Variants in NDUFA7 observed in about 807,000 individuals in gnomAD.
The protein encoded by NDUFA7 is NADH dehydrogenase [ubiquinone] 1 alpha subcomplex subunit 7.
NDUFA7 carries 18 observed loss-of-function variants against 14.2 expected under a neutral mutation model. That is an observed-to-expected ratio of 1.27 (90% CI 0.88 to 1.88). The LOEUF is 1.88. Among genes scored for constraint, NDUFA7 ranks in the 40% most tolerant of loss-of-function variants. The pLI is 0.00. For missense variants in NDUFA7, 172 were observed against 147.3 expected (o/e 1.17, Z -0.87); for synonymous variants, 75 against 62.1 (o/e 1.21, Z -0.98).
chr19:8,317,833 A>C (rs1056301900), intron 2 of NDUFA7, among the ~76,000 whole-genome samples: 3 of 152,058 alleles, frequency 2.0e-5, no homozygotes, highest in Non-Finnish European at 4.4e-5. Flanking sequence ...CTGGCTAAAA[A>C]CAATTTTTCT....
At chr19:8,314,483 T>C (rs1970211489) in intron 3 of NDUFA7, among the ~76,000 whole-genome samples, 1 of 152,094 alleles carries the variant, frequency 6.6e-6, no homozygotes, top group Non-Finnish European at 1.5e-5. Flanking sequence ...AAATGAGCTC[T>C]TGCTGAGCAT....
At chr19:8,312,334 C>G (rs1195226630) in intron 3 of NDUFA7, among the ~76,000 whole-genome samples, 1 of 152,092 alleles carries the variant, frequency 6.6e-6, no homozygotes, top group Non-Finnish European at 1.5e-5. Context: ...CCAGGAGCCT[C>G]AAGGAAATGG....
downstream of NDUFA7, among the ~76,000 whole-genome samples, chr19:8,309,886 C>G (rs1970154337): frequency 6.6e-6 from 1 of 152,188 alleles, no homozygotes; most frequent in Non-Finnish European, 1.5e-5. Context: ...TTGCAGATTT[C>G]TGTCTCCTCC....
At position 8,311,417 on chromosome 19, in the gene NDUFA7, C is replaced by T; in HGVS notation, c.*88G>A. 1 of 996,246 alleles carries T rather than the reference C, an allele frequency of 1.0e-6. No individual in the cohort carries two copies. The highest frequency in any genetic ancestry group is 1.5e-6 in the Non-Finnish European group (1 of 665,918). 61.7% of individuals were successfully genotyped at this position (996,246 alleles called of 1,614,324 possible). The stretch of plus-strand genomic sequence containing the variant: ...AGTAAAACTAGAAGTGATACCTGAG[C>T]TCTACGTATTTGTCATAAATTAGGT... On this transcript the variant is annotated 3_prime_UTR_variant, in exon 4 of 4. Coordinates refer to ENST00000301457, the MANE Select transcript of NDUFA7 (RefSeq NM_005001.5).
At chr19:8,321,168 G>A in intron 1 of NDUFA7, 140 bp downstream of exon 1, 1 of 1,123,028 alleles carries the variant, frequency 8.9e-7, no homozygotes, top group Non-Finnish European at 1.2e-6. Flanking sequence ...CGGGCTGAAG[G>A]GGTGACTAGC....
intron 3 of NDUFA7, among the ~76,000 whole-genome samples, chr19:8,315,311 C>T (rs1310187268): frequency 6.6e-6 from 1 of 151,996 alleles, no homozygotes; most frequent in Non-Finnish European, 1.5e-5. Flanking sequence ...GGAAGGAATG[C>T]CCTGTTGCAG....
intron 2 of NDUFA7, among the ~76,000 whole-genome samples, chr19:8,320,638 C>G (rs1970291356): frequency 6.6e-6 from 1 of 152,154 alleles, no homozygotes; most frequent in African/African-American, 2.4e-5. Context: ...CAAATCTAGC[C>G]TGATTGCCAG....
chr19:8,320,215 T>A (rs545762922), intron 2 of NDUFA7, among the ~76,000 whole-genome samples: 1 of 152,196 alleles, frequency 6.6e-6, no homozygotes, highest in African/African-American at 2.4e-5. Flanking sequence ...GGGACTCAAC[T>A]GTCAATTTCC....
chr19:8,315,682 G>C (rs556173820), intron 3 of NDUFA7, among the ~76,000 whole-genome samples: 4 of 152,010 alleles, frequency 2.6e-5, no homozygotes, highest in Non-Finnish European at 4.4e-5. Flanking sequence ...TGGATCCTCC[G>C]TATGCTGAGC....
At chr19:8,316,437 C>CAGAGTG in intron 3 of NDUFA7, 59 bp downstream of exon 3, 1 of 1,592,544 alleles carries the variant, frequency 6.3e-7, no homozygotes, top group Non-Finnish European at 8.6e-7. Context: ...AGTTGGGAGA[C>CAGAGTG]AGAGTGGGTT....
chr19:8,309,547 C>T (rs1363239854), downstream of NDUFA7, among the ~76,000 whole-genome samples: 1 of 152,104 alleles, frequency 6.6e-6, no homozygotes. Flanking sequence ...TAGGGTCTTG[C>T]CCTCCTTGTG....
intron 3 of NDUFA7, among the ~76,000 whole-genome samples, chr19:8,314,780 G>A (rs1408228493): frequency 6.6e-6 from 1 of 152,034 alleles, no homozygotes; most frequent in Non-Finnish European, 1.5e-5. Flanking sequence ...AGGTGTAGTG[G>A]TGGGCACTTG....
chr19:8,320,928 G>C, intron 1 of NDUFA7, 22 bp from the exon 2 acceptor site: 2 of 1,613,612 alleles, frequency 1.2e-6, no homozygotes, highest in Non-Finnish European at 1.7e-6. Flanking sequence ...GGAGAGGAGA[G>C]GTCGGCCTGC....
intron 3 of NDUFA7, 117 bp downstream of exon 3, chr19:8,316,379 C>T (rs989388608): frequency 1.8e-5 from 26 of 1,406,918 alleles, no homozygotes; most frequent in East Asian, 9.2e-5. Flanking sequence ...ACAGTTCCTG[C>T]GCAACTGATG....
At chr19:8,321,067 G>T in intron 1 of NDUFA7, 161 bp from the exon 2 acceptor site, 2 of 900,776 alleles carry the variant, frequency 2.2e-6, no homozygotes, top group Non-Finnish European at 3.4e-6. Context: ...GAAGAGCAAA[G>T]CCAGAGTCCG....
At chr19:8,315,109 C>T (rs1331918949) in intron 3 of NDUFA7, among the ~76,000 whole-genome samples, 3 of 152,182 alleles carry the variant, frequency 2.0e-5, no homozygotes, top group Non-Finnish European at 4.4e-5. Flanking sequence ...TCACCACTCC[C>T]TAATCTCAAG....
intron 2 of NDUFA7, among the ~76,000 whole-genome samples, chr19:8,318,564 G>A (rs1365030970): frequency 6.7e-6 from 1 of 149,496 alleles, no homozygotes. Context: ...TACTTGGTAC[G>A]CTGGACCAGG....
intron 3 of NDUFA7, among the ~76,000 whole-genome samples, chr19:8,315,246 C>G (rs1025417926): frequency 1.3e-5 from 2 of 152,140 alleles, no homozygotes; most frequent in African/African-American, 4.8e-5. Flanking sequence ...AAGACCTGAC[C>G]GTCCCCCAGC....
Position 8,320,921 on chromosome 19 carries a change from G to C in NDUFA7, c.52-15C>G. The C allele has an allele frequency of 1.9e-6, 3 of 1,613,752 alleles. No individual in the cohort carries two copies. The highest frequency in any genetic ancestry group is 2.5e-6 in the Non-Finnish European group (3 of 1,180,000). On this transcript the variant is annotated splice_polypyrimidine_tract_variant and intron_variant, in intron 1 of 3. Coordinates refer to ENST00000301457, the MANE Select transcript of NDUFA7 (RefSeq NM_005001.5). ...TGCAGGTCATGCTGTGGGAAGAGGAGAGGAGAGGTCGGCCTGCAAGGCACC... is the reference window on the plus strand; with the variant it reads ...TGCAGGTCATGCTGTGGGAAGAGGACAGGAGAGGTCGGCCTGCAAGGCACC...
Sources: gnomAD v4.1 joint callset for allele counts (sites outside exome capture counted in the v4.1 genomes callset) on GRCh38, gnomAD v4.1.1 for gene constraint, MANE v1.5 for transcripts, NCBI Gene and HGNC (gene_info 2026-07-23, HGNC 2026-07-21) for gene names.